Variants in ZMAT4 observed in about 807,000 individuals in gnomAD.
The protein encoded by ZMAT4 is zinc finger matrin-type 4.
Under a neutral mutation model 28.7 loss-of-function variants are expected in ZMAT4, and 17 were observed. The observed-to-expected ratio is 0.59, with a 90% CI of 0.41 to 0.89. The LOEUF is 0.89. Ranked by LOEUF, ZMAT4 falls within the 40% of genes least tolerant of loss-of-function variation. The probability of loss-of-function intolerance (pLI) is 0.00; values close to 1 mark genes in which losing one functional copy is unlikely to be tolerated. For synonymous variants in ZMAT4, 117 were observed against 109.2 expected (o/e 1.07, Z -0.44); for missense variants, 240 against 283.8 (o/e 0.85, Z 1.11).
At chr8:40,884,089 G>A (rs11779358) in intron 1 of ZMAT4, among the ~76,000 whole-genome samples, 13,617 of 152,144 alleles carry the variant, frequency 0.09, 710 homozygotes, top group Non-Finnish European at 0.12. Context: ...TCCACCACCC[G>A]CTGGACTGAG....
At chr8:40,891,188 G>GAGAGA (rs1466393377) in intron 1 of ZMAT4, among the ~76,000 whole-genome samples, 1 of 79,978 alleles carries the variant, frequency 1.3e-5, no homozygotes, top group African/African-American at 5.1e-5. Flanking sequence ...ACAGAGTGGG[G>GAGAGA]AGAGGAGAGG....
intron 6 of ZMAT4, among the ~76,000 whole-genome samples, chr8:40,556,723 A>G (rs1354368702): frequency 6.6e-6 from 1 of 152,208 alleles, no homozygotes; most frequent in Non-Finnish European, 1.5e-5. Context: ...TATTTTACGT[A>G]TCTATGGGGT....
intron 3 of ZMAT4, among the ~76,000 whole-genome samples, chr8:40,725,825 G>C (rs1451674638): frequency 6.6e-6 from 1 of 151,988 alleles, no homozygotes; most frequent in Admixed American, 6.5e-5. Flanking sequence ...TACTTTCAGA[G>C]ACAGCATTGC....
intron 2 of ZMAT4, among the ~76,000 whole-genome samples, chr8:40,775,333 T>C (rs1813545426): frequency 6.6e-6 from 1 of 152,150 alleles, no homozygotes. Flanking sequence ...ATGGCTGCAG[T>C]ACAGGTCAGA....
intron 1 of ZMAT4, among the ~76,000 whole-genome samples, chr8:40,873,856 C>T (rs1252135888): frequency 6.6e-6 from 1 of 152,198 alleles, no homozygotes; most frequent in African/African-American, 2.4e-5. Context: ...ATTCAGACAA[C>T]CTGAGCTTTC....
intron 5 of ZMAT4, among the ~76,000 whole-genome samples, chr8:40,584,621 G>A (rs1352767039): frequency 6.6e-6 from 1 of 151,976 alleles, no homozygotes; most frequent in Non-Finnish European, 1.5e-5. Context: ...AACTAATGGA[G>A]GAAAGAAATA....
intron 1 of ZMAT4, among the ~76,000 whole-genome samples, chr8:40,881,199 G>A (rs57769301): frequency 0.23 from 35,213 of 151,474 alleles, 4,927 homozygotes; most frequent in East Asian, 0.41. Flanking sequence ...GTAACATAGC[G>A]AGTCCCCATC....
At chr8:40,886,094 C>T (rs1818442843) in intron 1 of ZMAT4, among the ~76,000 whole-genome samples, 1 of 152,212 alleles carries the variant, frequency 6.6e-6, no homozygotes, top group African/African-American at 2.4e-5. Context: ...CTCATATCTC[C>T]TATTAAGGAA....
At chr8:40,690,021 T>C (rs1164909292) in intron 4 of ZMAT4, among the ~76,000 whole-genome samples, 1 of 152,150 alleles carries the variant, frequency 6.6e-6, no homozygotes, top group Non-Finnish European at 1.5e-5. Flanking sequence ...ATCACTGATC[T>C]CTTGTTTCAT....
Position 40,800,279 on chromosome 8 carries a change from G to A in ZMAT4, c.102+25296C>T, listed in dbSNP as rs536685244. On this transcript the variant is annotated intron_variant, in intron 2 of 6. Coordinates refer to ENST00000297737, the MANE Select transcript of ZMAT4 (RefSeq NM_024645.3). ...GATAGAACTTCAAGGAGAAATAAAC[G>A]AAGCTCTTACTATGCTTGGGCACTT... Among the ~76,000 whole-genome samples, 8 of 152,304 alleles carry A rather than the reference G, an allele frequency of 5.3e-5. No individual in the cohort carries two copies. In the East Asian group the frequency reaches 5.8e-4, roughly 11 times the overall value.
intron 3 of ZMAT4, among the ~76,000 whole-genome samples, chr8:40,730,641 T>C (rs946806249): frequency 2.6e-5 from 4 of 152,134 alleles, no homozygotes; most frequent in Admixed American, 6.6e-5. Flanking sequence ...CTGAGTGGGA[T>C]TGACATAGCC....
At chr8:40,628,969 T>C (rs180830881) in intron 5 of ZMAT4, among the ~76,000 whole-genome samples, 6 of 151,770 alleles carry the variant, frequency 4.0e-5, no homozygotes, top group Admixed American at 3.9e-4. Flanking sequence ...ATATATTTAA[T>C]GTTTGCTTGG....
intron 6 of ZMAT4, among the ~76,000 whole-genome samples, chr8:40,566,129 T>C (rs1424369652): frequency 2.0e-5 from 3 of 152,086 alleles, no homozygotes; most frequent in African/African-American, 7.2e-5. Context: ...ATTGACCAAA[T>C]CAAGGAAAGT....
At chr8:40,703,085 T>C (rs1049091839) in intron 3 of ZMAT4, among the ~76,000 whole-genome samples, 6 of 152,082 alleles carry the variant, frequency 3.9e-5, no homozygotes, top group Admixed American at 2.6e-4. Context: ...TATGGATGGA[T>C]TGACAAAAAT....
intron 3 of ZMAT4, among the ~76,000 whole-genome samples, chr8:40,708,997 A>G (rs1810486789): frequency 2.6e-5 from 4 of 152,078 alleles, no homozygotes; most frequent in African/African-American, 9.7e-5. Flanking sequence ...AATTAAAATT[A>G]AAGGAAGTAT....
intron 2 of ZMAT4, among the ~76,000 whole-genome samples, chr8:40,813,998 G>T (rs569703931): frequency 6.6e-6 from 1 of 152,218 alleles, no homozygotes; most frequent in South Asian, 2.1e-4. Context: ...AGAGGTCGGG[G>T]AGCAGGGGGC....
chr8:40,698,038 A>G (rs1406532270), intron 3 of ZMAT4, among the ~76,000 whole-genome samples: 2 of 152,118 alleles, frequency 1.3e-5, no homozygotes, highest in African/African-American at 4.8e-5. Context: ...CTTTTGACCA[A>G]TTTTAGCCTC....
chr8:40,734,618 T>A, intron 3 of ZMAT4, among the ~76,000 whole-genome samples: 1 of 152,248 alleles, frequency 6.6e-6, no homozygotes, highest in African/African-American at 2.4e-5. Context: ...CGTCTCTCAT[T>A]AGAAAACATT....
intron 6 of ZMAT4, among the ~76,000 whole-genome samples, chr8:40,572,296 A>G (rs1465369684): frequency 6.6e-6 from 1 of 152,170 alleles, no homozygotes; most frequent in Non-Finnish European, 1.5e-5. Context: ...GGAAATAAAT[A>G]ATACGAGGCT....
Sources: allele counts gnomAD v4.1 joint callset (sites outside exome capture counted in the v4.1 genomes callset), GRCh38; gene constraint gnomAD v4.1.1; transcripts MANE v1.5; gene names NCBI Gene and HGNC (gene_info 2026-07-23, HGNC 2026-07-21).